WWP1: variants seen among roughly 807,000 people sequenced by gnomAD.
WWP1 encodes WW domain containing E3 ubiquitin protein ligase 1, also known as NEDD4-like E3 ubiquitin-protein ligase WWP1.
WWP1 carries 49 observed loss-of-function variants against 130.6 expected under a neutral mutation model. The observed-to-expected ratio is 0.38, with a 90% CI of 0.30 to 0.48. The LOEUF is 0.48. WWP1 is among the 20% of genes least tolerant of loss of function. WWP1 has a pLI of 0.99. For synonymous variants in WWP1, 332 were observed against 367.8 expected, an observed-to-expected ratio of 0.90 and a Z score of 1.11; for missense variants, 809 against 1,100.6, an observed-to-expected ratio of 0.74 and a Z score of 3.75.
At chr8:86,449,998 A>G (rs1220541697) in intron 20 of WWP1, among the ~76,000 whole-genome samples, 1 of 152,244 alleles carries the variant, frequency 6.6e-6, no homozygotes, top group Non-Finnish European at 1.5e-5. Context: ...TTCCTTAAGC[A>G]TGAATCCATA....
chr8:86,404,376 G>A (rs1397935261), intron 8 of WWP1, among the ~76,000 whole-genome samples: 1 of 152,152 alleles, frequency 6.6e-6, no homozygotes, highest in East Asian at 1.9e-4. Context: ...TTGGCATTTG[G>A]ATGTATTCAG....
At chr8:86,372,086 C>T (rs1293957361) in intron 2 of WWP1, among the ~76,000 whole-genome samples, 70 of 141,250 alleles carry the variant, frequency 5.0e-4, no homozygotes, top group African/African-American at 1.7e-3. Context: ...TGCAGTGGCG[C>T]GATCTCGACT....
intron 5 of WWP1, among the ~76,000 whole-genome samples, chr8:86,389,311 G>A (rs970582198): frequency 3.3e-5 from 5 of 152,126 alleles, no homozygotes; most frequent in Non-Finnish European, 5.9e-5. Context: ...GCGGCCTTCC[G>A]CAGTGTTTGT....
At chr8:86,425,121 A>G (rs1809545052) in intron 9 of WWP1, 102 bp from the exon 10 acceptor site, 1 of 776,984 alleles carries the variant, frequency 1.3e-6, no homozygotes, top group African/African-American at 1.8e-5. Flanking sequence ...TAGTCTTTTA[A>G]TGTAAAGCTT....
At chr8:86,440,854 C>T (rs1414206614) in intron 17 of WWP1, 2 of 292,436 alleles carry the variant, frequency 6.8e-6, no homozygotes, top group Non-Finnish European at 1.3e-5. Flanking sequence ...TCACTGTTTG[C>T]AGTACTGCCC....
intron 21 of WWP1, among the ~76,000 whole-genome samples, chr8:86,453,734 T>G (rs1042815483): frequency 7.2e-5 from 11 of 152,210 alleles, no homozygotes; most frequent in Non-Finnish European, 1.2e-4. Context: ...TTTGCTTGTT[T>G]TTTTAATAGT....
chr8:86,447,353 A>G lies in WWP1; in HGVS notation c.1999-795A>G, dbSNP rs1037677215. 2.6e-5 allele frequency among the ~76,000 whole-genome samples: 4 copies of G among 151,948 alleles called. No homozygotes were observed. The South Asian group carries it at 8.3e-4, about 32-fold the overall frequency. On this transcript the variant is annotated intron_variant, in intron 18 of 24. Transcript: ENST00000517970. The stretch of plus-strand genomic sequence containing the variant: ...ACGATCTTGGCTCACTGCAGCCTCC[A>G]CCTCCCAGGTTCAAGCAATTCTCCT...
chr8:86,461,183 G>GT, intron 22 of WWP1, 41 bp from the exon 23 acceptor site: 1 of 1,516,754 alleles, frequency 6.6e-7, no homozygotes, highest in Non-Finnish European at 9.1e-7. Context: ...ATTGAAGATA[G>GT]TTTAGCATTT....
intron 2 of WWP1, among the ~76,000 whole-genome samples, chr8:86,372,465 G>C (rs985768608): frequency 2.6e-5 from 4 of 152,134 alleles, no homozygotes; most frequent in Admixed American, 2.0e-4. Flanking sequence ...TTTCTTATTT[G>C]GTTAGTATGC....
chr8:86,357,771 A>G (rs528268142), intron 1 of WWP1, among the ~76,000 whole-genome samples: 3 of 152,350 alleles, frequency 2.0e-5, no homozygotes, highest in Admixed American at 6.5e-5. Flanking sequence ...AATTTATTTC[A>G]GAATTTTGCT....
rs538524300 is a variant in WWP1, at chr8:86,432,602, G to A, written c.1601+859G>A. Among the ~76,000 whole-genome samples, 47 of 150,500 alleles carry A rather than the reference G, an allele frequency of 3.1e-4. No homozygotes were observed. In the South Asian group the frequency reaches 9.6e-3, roughly 31 times the overall value. On this transcript the variant is annotated intron_variant, in intron 14 of 24. Coordinates refer to ENST00000517970, the MANE Select transcript of WWP1 (RefSeq NM_007013.4). ...CCCTTTACCAATGTGTTCAATCGCA[G>A]TTCATTTTTTTGTTTTTTTTTTGAG...
intron 20 of WWP1, among the ~76,000 whole-genome samples, chr8:86,450,221 C>G (rs552799750): frequency 1.1e-4 from 17 of 152,212 alleles, no homozygotes; most frequent in African/African-American, 4.1e-4. Context: ...TTCTTGGCCT[C>G]TTCTTATTTT....
At chr8:86,383,254 AG>A (rs1240951567) in intron 5 of WWP1, among the ~76,000 whole-genome samples, 31 of 152,156 alleles carry the variant, frequency 2.0e-4, no homozygotes, top group African/African-American at 6.5e-4. Flanking sequence ...ATAAGTATAC[AG>A]TACCTTGCCT....
chr8:86,443,560 C>T (rs1810705355), intron 18 of WWP1, among the ~76,000 whole-genome samples: 1 of 152,120 alleles, frequency 6.6e-6, no homozygotes, highest in Non-Finnish European at 1.5e-5. Flanking sequence ...TATTGACAGC[C>T]TACTGTAATG....
intron 5 of WWP1, among the ~76,000 whole-genome samples, chr8:86,389,064 T>G (rs1363268040): frequency 6.6e-6 from 1 of 152,204 alleles, no homozygotes; most frequent in Non-Finnish European, 1.5e-5. Context: ...TTGTATTTCT[T>G]ACTTTCTTAG....
At chr8:86,435,953 C>T (rs1362963382) in intron 16 of WWP1, among the ~76,000 whole-genome samples, 1 of 152,152 alleles carries the variant, frequency 6.6e-6, no homozygotes, top group African/African-American at 2.4e-5. Flanking sequence ...CCCACCTCGG[C>T]CTCGTAAAAT....
At chr8:86,392,990 C>T (rs145155697) in intron 5 of WWP1, among the ~76,000 whole-genome samples, 4 of 151,582 alleles carry the variant, frequency 2.6e-5, no homozygotes, top group Non-Finnish European at 4.4e-5. Context: ...ATATTTGCCA[C>T]ATTATTAGAT....
chr8:86,386,809 T>C (rs2130399692), intron 5 of WWP1: 1 of 152,334 alleles, frequency 6.6e-6, no homozygotes, highest in South Asian at 2.1e-4. Flanking sequence ...AGGTAACTTA[T>C]GGAGAACATA....
chr8:86,382,422 GGGGT>G (rs1248615851), intron 5 of WWP1, among the ~76,000 whole-genome samples: 1 of 151,922 alleles, frequency 6.6e-6, no homozygotes, highest in Non-Finnish European at 1.5e-5. Context: ...GTTCTAGCTG[GGGGT>G]GGTGGCTCAT....
Sources: allele counts gnomAD v4.1 joint callset (sites outside exome capture counted in the v4.1 genomes callset), GRCh38; gene constraint gnomAD v4.1.1; transcripts MANE v1.5; gene names NCBI Gene and HGNC (gene_info 2026-07-23, HGNC 2026-07-21).